Variants in VPS8 observed in about 807,000 individuals in gnomAD.
VPS8 encodes VPS8 subunit of CORVET complex.
Under a neutral mutation model 216.4 loss-of-function variants are expected in VPS8, and 129 were observed. That is an observed-to-expected ratio of 0.60 (90% CI 0.52 to 0.69). VPS8 has a LOEUF of 0.69. Among genes scored for constraint, VPS8 ranks in the 30% least tolerant of loss-of-function variants. The pLI, the probability that VPS8 is intolerant of heterozygous loss-of-function variation, is 0.00. For missense variants in VPS8, 1,531 were observed against 1,683.5 expected, an observed-to-expected ratio of 0.91 and a Z score of 1.59; for synonymous variants, 571 against 565.4, an observed-to-expected ratio of 1.01 and a Z score of -0.14.
chr3:185,011,112 A>G (rs1487160934), intron 45 of VPS8, among the ~76,000 whole-genome samples: 2 of 41,888 alleles, frequency 4.8e-5, no homozygotes, highest in African/African-American at 9.4e-5. Flanking sequence ...GACACAGAGT[A>G]CAAAAAAAAA....
At chr3:184,951,743 A>G (rs1302047918) in intron 36 of VPS8, among the ~76,000 whole-genome samples, 1 of 152,238 alleles carries the variant, frequency 6.6e-6, no homozygotes, top group Non-Finnish European at 1.5e-5. Context: ...TAGAAGACTA[A>G]CAGATAGCTT....
chr3:185,009,605 T>G (rs900376111), intron 45 of VPS8, among the ~76,000 whole-genome samples: 1 of 152,140 alleles, frequency 6.6e-6, no homozygotes, highest in African/African-American at 2.4e-5. Flanking sequence ...CATTTGGAGT[T>G]TTTTGCGGGG....
intron 36 of VPS8, among the ~76,000 whole-genome samples, chr3:184,955,636 C>G (rs1745459791): frequency 6.6e-6 from 1 of 152,036 alleles, no homozygotes; most frequent in African/African-American, 2.4e-5. Flanking sequence ...TTATTACAAT[C>G]TCTTGTCTCT....
In VPS8 at chr3:184,964,518, GA is replaced by G; in HGVS notation, c.3237del (p.Gly1080GlufsTer8). 1 of 1,520,210 alleles carries G rather than the reference GA, an allele frequency of 6.6e-7. No individual in the cohort carries two copies. Among genetic ancestry groups the G allele is most frequent in the Non-Finnish European group, 8.9e-7 (1 of 1,128,894 alleles). The allele number at this position is 1,520,210 out of a possible 1,614,324, so 94.2% of individuals were successfully genotyped here. ...HEVTAYLLEKKGDIHGAFLIM... is the reference protein window; with the variant it reads ...HEVTAYLLEKXGDIHGAFLIM... The stretch of plus-strand genomic sequence containing the variant: ...AAGTCACCGCTTATCTATTGGAAAA[GA>G]AAGGAGATATTCATGGTGCCTTCCT... On this transcript the variant is annotated frameshift_variant, in exon 38 of 48. Transcript: ENST00000625842. LOFTEE classifies it high-confidence loss of function.
intron 28 of VPS8, among the ~76,000 whole-genome samples, chr3:184,916,137 G>A (rs1354180193): frequency 6.6e-6 from 1 of 152,184 alleles, no homozygotes; most frequent in East Asian, 1.9e-4. Flanking sequence ...AGTGATGATA[G>A]TAAAAATAGC....
chr3:184,938,042 G>T (rs1314679424), intron 35 of VPS8, among the ~76,000 whole-genome samples: 1 of 152,178 alleles, frequency 6.6e-6, no homozygotes, highest in Non-Finnish European at 1.5e-5. Context: ...TGGGGAGAAT[G>T]GACTGGAAAG....
intron 36 of VPS8, among the ~76,000 whole-genome samples, chr3:184,946,839 CTTTT>C (rs1044394114): frequency 2.6e-5 from 4 of 151,568 alleles, no homozygotes; most frequent in Non-Finnish European, 5.9e-5. Context: ...GGGAAAAAAA[CTTTT>C]TTTTCCTTTT....
chr3:184,915,237 AC>A (rs1448009944), intron 27 of VPS8, 117 bp from the exon 28 acceptor site: 4 of 1,388,694 alleles, frequency 2.9e-6, no homozygotes, highest in Non-Finnish European at 3.9e-6. Flanking sequence ...AACTTAAAAT[AC>A]AGTAGCAATT....
At chr3:184,848,680 T>G (rs1367200505) in intron 8 of VPS8, among the ~76,000 whole-genome samples, 2 of 151,576 alleles carry the variant, frequency 1.3e-5, no homozygotes, top group Non-Finnish European at 2.9e-5. Flanking sequence ...GTGATTCTTG[T>G]GCCTCAGCCT....
In VPS8 at chr3:184,851,502, A is replaced by G. The variant is rs534766303; in HGVS notation, c.754-998A>G. 1.2e-4 allele frequency among the ~76,000 whole-genome samples: 19 copies of G among 152,090 alleles called. No individual in the cohort carries two copies. The East Asian group carries it at 3.5e-3, about 28-fold the overall frequency. ...GTGTGTGCGTTTATATGAATACACTACTTTACTAATTTTTATGTACATTAT... is the reference window on the plus strand; with the variant it reads ...GTGTGTGCGTTTATATGAATACACTGCTTTACTAATTTTTATGTACATTAT... On this transcript the variant is annotated intron_variant, in intron 10 of 47. Coordinates refer to ENST00000625842, the MANE Select transcript of VPS8 (RefSeq NM_001009921.3).
chr3:185,001,040 A>G (rs144568244), intron 45 of VPS8, among the ~76,000 whole-genome samples: 1 of 152,270 alleles, frequency 6.6e-6, no homozygotes, highest in East Asian at 1.9e-4. Flanking sequence ...ACCTTCCCCA[A>G]GTTTGTATTG....
At chr3:184,859,486 A>AT (rs1168687930) in intron 14 of VPS8, among the ~76,000 whole-genome samples, 1 of 152,176 alleles carries the variant, frequency 6.6e-6, no homozygotes, top group Non-Finnish European at 1.5e-5. Flanking sequence ...GTATGAGTTT[A>AT]TTTTGGTGCA....
chr3:185,043,104 A>C (rs1308691545), intron 46 of VPS8, among the ~76,000 whole-genome samples: 1 of 152,108 alleles, frequency 6.6e-6, no homozygotes, highest in Non-Finnish European at 1.5e-5. Context: ...ACAGACACAG[A>C]CCAGGCAACC....
At chr3:184,968,786 G>T (rs1747842423) in intron 39 of VPS8, among the ~76,000 whole-genome samples, 1 of 152,176 alleles carries the variant, frequency 6.6e-6, no homozygotes, top group Admixed American at 6.5e-5. Flanking sequence ...CTTGGTGGGT[G>T]ATTTTTAGAT....
chr3:184,962,674 A>G (rs1746720583), intron 37 of VPS8, among the ~76,000 whole-genome samples: 2 of 151,382 alleles, frequency 1.3e-5, no homozygotes, highest in South Asian at 4.2e-4. Flanking sequence ...CACATCATTT[A>G]ACTTGGCTTT....
At chr3:185,000,234 CT>C (rs1753216133) in intron 45 of VPS8, among the ~76,000 whole-genome samples, 1 of 152,140 alleles carries the variant, frequency 6.6e-6, no homozygotes, top group South Asian at 2.1e-4. Flanking sequence ...AGAATTATGA[CT>C]TTTAAGTAGG....
chr3:185,031,247 C>A (rs536513974), intron 46 of VPS8, among the ~76,000 whole-genome samples: 5 of 152,058 alleles, frequency 3.3e-5, no homozygotes, highest in African/African-American at 1.2e-4. Context: ...ATTTTCTAGC[C>A]ATCATTTGAT....
Position 185,052,255 on chromosome 3 carries a change from G to A in VPS8, c.*230G>A. 2.3e-6 allele frequency: 1 copy of A among 440,972 alleles called. No individual in the cohort carries two copies. Among genetic ancestry groups the A allele is most frequent in the Middle Eastern group, 5.7e-4 (1 of 1,742 alleles). The allele number at this position is 440,972 out of a possible 1,614,324, so 27.3% of individuals were successfully genotyped here. Reference sequence around the variant, plus strand: ...TCACCAGACTCATTGATTTTGTTTTGCTTGTTAAGCAAAGGAATGTCACAT... The same window carrying A: ...TCACCAGACTCATTGATTTTGTTTTACTTGTTAAGCAAAGGAATGTCACAT... On this transcript the variant is annotated 3_prime_UTR_variant, in exon 48 of 48. Transcript: ENST00000625842.
chr3:184,944,622 A>G lies in VPS8; in HGVS notation c.3035+4379A>G, dbSNP rs1025761212. 1.0e-5 allele frequency: 10 copies of G among 979,090 alleles called. No individual in the cohort carries two copies. The East Asian group carries it at 9.1e-4, about 89-fold the overall frequency. The allele number at this position is 979,090 out of a possible 1,614,324, so 60.7% of individuals were successfully genotyped here. A position where few individuals can be genotyped will look rare whatever the true frequency, so the allele number is the denominator to read the frequency against. The stretch of plus-strand genomic sequence containing the variant: ...TATTTATATTCTGAATATTTTCCTC[A>G]GTATGATTTTCCTGGTAATGTTGAT... On this transcript the variant is annotated intron_variant, in intron 36 of 47. Coordinates refer to ENST00000625842, the MANE Select transcript of VPS8 (RefSeq NM_001009921.3).
Sources: allele counts gnomAD v4.1 joint callset (sites outside exome capture counted in the v4.1 genomes callset), GRCh38; gene constraint gnomAD v4.1.1; transcripts MANE v1.5; gene names NCBI Gene and HGNC (gene_info 2026-07-23, HGNC 2026-07-21).